The following HDAC8 variants were observed in gnomAD, a reference collection of about 807,000 sequenced individuals.
HDAC8 encodes histone deacetylase 8.
A neutral mutation model predicts 32.2 loss-of-function variants in HDAC8; 1 was observed. The ratio of observed to expected loss-of-function variants is 0.03; its 90% CI spans 0.01 to 0.15. The LOEUF is 0.15. Among genes scored for constraint, HDAC8 ranks in the 10% least tolerant of loss-of-function variants. The pLI is 1.00. For synonymous variants in HDAC8, 108 were observed against 113.9 expected (o/e 0.95, Z 0.33); for missense variants, 117 against 300.0 (o/e 0.39, Z 4.51).
chrX:72,557,020 T>G (rs1250553347), intron 4 of HDAC8, among the ~76,000 whole-genome samples: 1 of 111,379 alleles, frequency 9.0e-6, no homozygotes, highest in Non-Finnish European at 1.9e-5. Flanking sequence ...ATCCAGACCA[T>G]CCTGGCTAAC....
chrX:72,491,195 A>C (rs1301934025), intron 5 of HDAC8, among the ~76,000 whole-genome samples, 189 bp from the exon 6 acceptor site: 1 of 111,869 alleles, frequency 8.9e-6, no homozygotes, highest in Non-Finnish European at 1.9e-5. Context: ...GATGAGGTAG[A>C]ACTTTGGCCC....
chrX:72,559,916 C>T (rs868946615), intron 4 of HDAC8, among the ~76,000 whole-genome samples: 56 of 107,331 alleles, frequency 5.2e-4, no homozygotes, highest in African/African-American at 1.7e-3. Flanking sequence ...GCCCCCACCC[C>T]GCCAGCCGCC....
chrX:72,533,977 C>T (rs2050435671), intron 4 of HDAC8, among the ~76,000 whole-genome samples: 1 of 109,762 alleles, frequency 9.1e-6, no homozygotes, highest in Non-Finnish European at 1.9e-5. Flanking sequence ...CACTTCTATT[C>T]AACATTATAT....
In HDAC8 at chrX:72,464,612, T is replaced by C; in HGVS notation, c.857A>G (p.Lys286Arg). The C allele has an allele frequency of 8.3e-7, 1 of 1,209,052 alleles. No homozygotes were observed. Among genetic ancestry groups the C allele is most frequent in the Non-Finnish European group, 1.1e-6 (1 of 892,950 alleles). The stretch of plus-strand genomic sequence containing the variant: ...CCATTGAAGGATGTACTTAAGACAC[T>C]TGCCAATTCCCACTGGAGTCATGTT... The part of the protein sequence containing the change: ...SFNMTPVGIG[K>R]CLKYILQWQL... The change falls in exon 8 of 11, where the codon AAG becomes AGG. Residue 286 changes from lysine to arginine, a missense_variant. This residue lies in a region of HDAC8 where 57 missense variants were observed against 182.0 expected (regional missense o/e 0.31). Transcript: ENST00000373573.
In HDAC8 at chrX:72,485,116, T is replaced by C. The variant is rs1189734424; in HGVS notation, c.737+3817A>G. Among the ~76,000 whole-genome samples, 3 of 111,256 alleles carry C rather than the reference T, an allele frequency of 2.7e-5. No homozygotes were observed. In the Admixed American group the frequency reaches 2.9e-4, roughly 11 times the overall value. ...TAGGCCTTCACATACATAAAAAATA[T>C]AGTATACCTCTATCATCTCTATACT... is the stretch of plus-strand genomic sequence containing the variant. On this transcript the variant is annotated intron_variant, in intron 7 of 10. Transcript: ENST00000373573.
At chrX:72,451,181 T>C (rs2047560374) in intron 9 of HDAC8, among the ~76,000 whole-genome samples, 2 of 109,789 alleles carry the variant, frequency 1.8e-5, no homozygotes, top group Non-Finnish European at 1.9e-5. Context: ...TTACAGTCGA[T>C]GTTCTTTCTC....
At chrX:72,375,935 A>G (rs3012655) in intron 9 of HDAC8, among the ~76,000 whole-genome samples, 1 of 110,714 alleles carries the variant, frequency 9.0e-6, no homozygotes, top group South Asian at 3.8e-4. Flanking sequence ...AATTCAATCT[A>G]TTTTACTTGG....
At chrX:72,456,084 A>G (rs782314741) in intron 9 of HDAC8, among the ~76,000 whole-genome samples, 1 of 112,179 alleles carries the variant, frequency 8.9e-6, no homozygotes, top group South Asian at 3.7e-4. Context: ...TATTTTTAAA[A>G]AAACAACATC....
chrX:72,450,949 T>C (rs2047555176), intron 9 of HDAC8, among the ~76,000 whole-genome samples: 1 of 111,678 alleles, frequency 9.0e-6, no homozygotes, highest in South Asian at 3.7e-4. Context: ...AGTCCTGATA[T>C]GATGTTCAAA....
At chrX:72,490,709 T>A (rs2048842961) in intron 6 of HDAC8, among the ~76,000 whole-genome samples, 1 of 108,044 alleles carries the variant, frequency 9.3e-6, no homozygotes, top group East Asian at 3.0e-4. Context: ...CATATGTAAC[T>A]AACCTGCACA....
intron 4 of HDAC8, among the ~76,000 whole-genome samples, chrX:72,565,488 T>C (rs1197018338): frequency 8.9e-6 from 1 of 111,779 alleles, no homozygotes; most frequent in Non-Finnish European, 1.9e-5. Flanking sequence ...CTACAACAGT[T>C]AAGGCGATAT....
At chrX:72,444,405 C>A (rs1266661103) in intron 9 of HDAC8, among the ~76,000 whole-genome samples, 1 of 111,715 alleles carries the variant, frequency 9.0e-6, no homozygotes, top group African/African-American at 3.3e-5. Flanking sequence ...TAAATGTAAT[C>A]CAGCATATAA....
At chrX:72,410,353 G>A (rs1247111359) in intron 9 of HDAC8, among the ~76,000 whole-genome samples, 1 of 110,920 alleles carries the variant, frequency 9.0e-6, no homozygotes, top group African/African-American at 3.3e-5. Flanking sequence ...ACCCAGAGCA[G>A]ACTGGGCATG....
chrX:72,398,708 G>T (rs2045826784), intron 9 of HDAC8, among the ~76,000 whole-genome samples: 1 of 110,127 alleles, frequency 9.1e-6, no homozygotes, highest in Non-Finnish European at 1.9e-5. Flanking sequence ...GAGTACTAAA[G>T]ATGTTCTTCC....
At chrX:72,463,452 C>T (rs1292352433) in intron 8 of HDAC8, among the ~76,000 whole-genome samples, 1 of 111,767 alleles carries the variant, frequency 8.9e-6, no homozygotes, top group Non-Finnish European at 1.9e-5. Context: ...AGATTATAGC[C>T]TCAAACAAAA....
At chrX:72,490,455 G>C (rs1424574135) in intron 6 of HDAC8, among the ~76,000 whole-genome samples, 1 of 107,692 alleles carries the variant, frequency 9.3e-6, no homozygotes, top group African/African-American at 3.4e-5. Flanking sequence ...CCTTTGTAGG[G>C]ACATGGATGA....
At chrX:72,565,352 G>A (rs2147576492) in intron 4 of HDAC8, among the ~76,000 whole-genome samples, 1 of 112,537 alleles carries the variant, frequency 8.9e-6, no homozygotes, top group Non-Finnish European at 1.9e-5. Flanking sequence ...TCCATCTACA[G>A]AGAGGTTCTA....
intron 9 of HDAC8, among the ~76,000 whole-genome samples, chrX:72,399,758 T>G (rs2045857671): frequency 1.8e-5 from 2 of 112,531 alleles, no homozygotes; most frequent in Middle Eastern, 4.6e-3. Context: ...TATAATTTCT[T>G]CCTAGCACAT....
At chrX:72,350,226 G>A (rs966758833) in intron 10 of HDAC8, among the ~76,000 whole-genome samples, 2 of 111,337 alleles carry the variant, frequency 1.8e-5, no homozygotes, top group Admixed American at 9.6e-5. Context: ...CTATAGGGTC[G>A]CGAGAAGGCT....
Sources: gnomAD v4.1 joint callset for allele counts (sites outside exome capture counted in the v4.1 genomes callset) on GRCh38, gnomAD v4.1.1 for gene constraint, gnomAD v4.1.1 regional missense constraint, MANE v1.5 for transcripts, NCBI Gene and HGNC (gene_info 2026-07-23, HGNC 2026-07-21) for gene names.